The following TOP3A variants were observed in gnomAD, a reference collection of about 807,000 sequenced individuals.
TOP3A encodes DNA topoisomerase 3-alpha.
TOP3A carries 64 observed loss-of-function variants against 111.3 expected under a neutral mutation model. The observed-to-expected ratio is 0.57, with a 90% CI of 0.47 to 0.71. The LOEUF is 0.71. TOP3A is among the 30% of genes least tolerant of loss of function. The pLI is 0.00. For synonymous variants in TOP3A, 484 were observed against 485.1 expected (o/e 1.00, Z 0.03); for missense variants, 1,104 against 1,285.0 (o/e 0.86, Z 2.15).
chr17:18,308,822 G>C (rs145293602), intron 2 of TOP3A, 60 bp downstream of exon 2: 3 of 1,142,322 alleles, frequency 2.6e-6, no homozygotes, highest in Non-Finnish European at 3.8e-6. Context: ...TACATATGAC[G>C]AGGCTGACTA....
At position 18,301,919 on chromosome 17, in the gene TOP3A, G is replaced by T. The variant is rs182958315; in HGVS notation, c.881C>A (p.Thr294Lys). The T allele has an allele frequency of 2.5e-6, 4 of 1,614,168 alleles. No homozygotes were observed. In the East Asian group the frequency reaches 8.9e-5, roughly 36 times the overall value. ...NWKRHRLFNH[T>K]ACLVLYQLCV... is the part of the protein sequence containing the mutation. ...CAACTGATAGAGAACTAGGCAAGCC[G>T]TGTGGTTAAAGAGTCGATGCCTTTT... is the stretch of plus-strand genomic sequence containing the variant. Residue 294 changes from threonine to lysine, a missense_variant, in exon 8 of 19, where the codon ACG becomes AAG. By Grantham distance (78) the Thr-to-Lys change is moderately conservative. Coordinates refer to ENST00000321105, the MANE Select transcript of TOP3A (RefSeq NM_004618.5).
rs924643292 is a variant in TOP3A, at chr17:18,305,143, G to A, written c.468C>T (p.Ile156=). The change falls in exon 5 of 19, where the codon ATC becomes ATT. Residue 156 remains isoleucine (I), a synonymous_variant. Transcript: ENST00000321105. ...WTDCDREGEN[I]GFEIIHVCKA... is the part of the protein sequence containing the mutation. ...TACACACGTGGATAATCTCAAACCC[G>A]ATGTTTTCGCCTTCTCTATCACAGT... 6.2e-6 allele frequency: 10 copies of A among 1,614,118 alleles called. No homozygotes were observed. Among genetic ancestry groups the A allele is most frequent in the South Asian group, 1.1e-5 (1 of 91,078 alleles).
In TOP3A at chr17:18,277,825, TA is replaced by T; in HGVS notation, c.2676del (p.Ser893ValfsTer115). 6.2e-7 allele frequency: 1 copy of T among 1,614,108 alleles called. No individual in the cohort carries two copies. Among genetic ancestry groups the T allele is most frequent in the Non-Finnish European group, 8.5e-7 (1 of 1,180,012 alleles). On this transcript the variant is annotated frameshift_variant, in exon 18 of 19. Coordinates refer to ENST00000321105, the MANE Select transcript of TOP3A (RefSeq NM_004618.5). LOFTEE classifies it high-confidence loss of function. ...GGFGNPGDGSGSGTSCLCSQP... is the reference protein window; with the variant it reads ...GGFGNPGDGSXSGTSCLCSQP... ...TGGCTGCAAAGGCAGGATGTGCCAC[TA>T]CCACTGCCATCACCAGGGTTGCCAA... is the stretch of plus-strand genomic sequence containing the variant.
intron 9 of TOP3A, among the ~76,000 whole-genome samples, chr17:18,298,763 T>C (rs940459032): frequency 6.6e-6 from 1 of 152,150 alleles, no homozygotes; most frequent in African/African-American, 2.4e-5. Context: ...CCCCCAACCC[T>C]GTGCTATCTG....
At chr17:18,313,789 T>C (rs915148971) in intron 1 of TOP3A, among the ~76,000 whole-genome samples, 1 of 152,090 alleles carries the variant, frequency 6.6e-6, no homozygotes, top group Non-Finnish European at 1.5e-5. Context: ...CTATCCTTGA[T>C]CTGGAAACAG....
intron 10 of TOP3A, 75 bp from the exon 11 acceptor site, chr17:18,292,927 C>T: frequency 7.3e-7 from 1 of 1,377,466 alleles, no homozygotes; most frequent in South Asian, 1.4e-5. Context: ...TGAAAGCACA[C>T]ACTAACACCT....
At chr17:18,289,000 G>A (rs1980299144) in intron 13 of TOP3A, among the ~76,000 whole-genome samples, 1 of 151,980 alleles carries the variant, frequency 6.6e-6, no homozygotes, top group South Asian at 2.1e-4. Context: ...CTATAGGCAT[G>A]CACCTAATTT....
chr17:18,290,003 A>G (rs1272857472), intron 13 of TOP3A, among the ~76,000 whole-genome samples: 1 of 152,170 alleles, frequency 6.6e-6, no homozygotes, highest in Non-Finnish European at 1.5e-5. Context: ...CTACCTGCAA[A>G]GCTTGAGCCA....
chr17:18,284,021 A>T (rs748012650), intron 15 of TOP3A, among the ~76,000 whole-genome samples: 11 of 152,020 alleles, frequency 7.2e-5, no homozygotes, highest in Non-Finnish European at 1.3e-4. Flanking sequence ...GTTGTTGTTG[A>T]AGAAGTCTCA....
At chr17:18,298,191 C>T (rs376335513) in intron 9 of TOP3A, among the ~76,000 whole-genome samples, 3 of 151,454 alleles carry the variant, frequency 2.0e-5, no homozygotes, top group South Asian at 2.1e-4. Flanking sequence ...GCCCGGCAAC[C>T]GCCCCGTCTG....
chr17:18,295,509 T>C (rs1042061988), intron 9 of TOP3A, among the ~76,000 whole-genome samples: 1 of 152,182 alleles, frequency 6.6e-6, no homozygotes, highest in Non-Finnish European at 1.5e-5. Context: ...TTGCCCAGAC[T>C]GCAGGGCAGT....
In TOP3A at chr17:18,271,790, GATGGCTCCTGCCTGTTA is replaced by G. The variant is rs1249434571; in HGVS notation, c.*2995_*3011del. ...AAAAATGGGGGAAGAGACCAGGTGT[GATGGCTCCTGCCTGTTA>G]ATCCTAGCACTTTGGGAGGCCGAGG... On this transcript the variant is annotated 3_prime_UTR_variant, in exon 19 of 19. Transcript: ENST00000321105. The G allele has an allele frequency of 2.4e-5, 11 of 451,422 alleles. No individual in the cohort carries two copies. The highest frequency in any genetic ancestry group is 6.5e-4 in the Middle Eastern group (2 of 3,058). The allele number at this position is 451,422 out of a possible 1,614,324, so 28.0% of individuals were successfully genotyped here.
chr17:18,281,546 G>A (rs16961058), intron 16 of TOP3A, among the ~76,000 whole-genome samples: 8,262 of 152,112 alleles, frequency 0.054, 654 homozygotes, highest in African/African-American at 0.17. Flanking sequence ...ATAACCTACC[G>A]ATAGCAAGGA....
In TOP3A at chr17:18,314,605, C is replaced by T. The variant is rs1346404881; in HGVS notation, c.174G>A (p.Met58Ile). 1.9e-6 allele frequency: 3 copies of T among 1,610,432 alleles called. No individual in the cohort carries two copies. The highest frequency in any genetic ancestry group is 4.5e-5 in the East Asian group (2 of 44,590). Reference protein sequence around the residue: ...GIADLLSNGRMRRREGLSKFN... With the variant: ...GIADLLSNGRIRRREGLSKFN... ...TCGGAACGCGCTTTCTTACCCGCCT[C>T]ATGCGACCGTTTGACAGCAGGTCGG... The change falls in exon 1 of 19, where the codon ATG becomes ATA. Residue 58 changes from methionine to isoleucine, a missense_variant. By Grantham distance (10) the Met-to-Ile change is conservative. Transcript: ENST00000321105.
rs1979957938 is a variant in TOP3A at position 18,284,314 on chromosome 17, T to C, written c.1877+828A>G. ...GGCGTGAGCCACCGTGCCTGACCCT[T>C]GTTTGGGGATTTTATGGAGGATTTA... is the stretch of plus-strand genomic sequence containing the variant. On this transcript the variant is annotated intron_variant, in intron 15 of 18. Transcript: ENST00000321105. 2.0e-5 allele frequency among the ~76,000 whole-genome samples: 3 copies of C among 152,086 alleles called. No individual in the cohort carries two copies. In the South Asian group the frequency reaches 6.2e-4, roughly 32 times the overall value.
At chr17:18,284,506 C>T (rs902881907) in intron 15 of TOP3A, among the ~76,000 whole-genome samples, 1 of 152,068 alleles carries the variant, frequency 6.6e-6, no homozygotes, top group African/African-American at 2.4e-5. Context: ...AGCCCTTGGC[C>T]ACTAGTCATC....
At chr17:18,285,952 C>A (rs969839547) in intron 13 of TOP3A, among the ~76,000 whole-genome samples, 2 of 152,198 alleles carry the variant, frequency 1.3e-5, no homozygotes, top group African/African-American at 2.4e-5. Context: ...GTAATCCCAG[C>A]ATTTTGGGAG....
chr17:18,293,904 A>C (rs1156659661), intron 10 of TOP3A, among the ~76,000 whole-genome samples: 1 of 152,134 alleles, frequency 6.6e-6, no homozygotes, highest in Admixed American at 6.5e-5. Flanking sequence ...ATAATTTAAA[A>C]TTTTCAATTA....
Position 18,290,568 on chromosome 17 carries a change from TTC to T in TOP3A, c.1584_1585del (p.Lys529AlafsTer44). 6.3e-7 allele frequency: 1 copy of T among 1,592,012 alleles called. No individual in the cohort carries two copies. Among genetic ancestry groups the T allele is most frequent in the Non-Finnish European group, 8.6e-7 (1 of 1,167,964 alleles). On this transcript the variant is annotated frameshift_variant, in exon 13 of 19. Transcript: ENST00000321105. LOFTEE classifies it high-confidence loss of function. ...GAGGAGCCACTGACCAATGCCATGC[TTC>T]TCCATGAGGGCAATGAGGTCGGCCT...
Sources: allele counts gnomAD v4.1 joint callset (sites outside exome capture counted in the v4.1 genomes callset), GRCh38; gene constraint gnomAD v4.1.1; transcripts MANE v1.5; gene names NCBI Gene and HGNC (gene_info 2026-07-23, HGNC 2026-07-21).